TMEM178B: variants seen among roughly 807,000 people sequenced by gnomAD.
TMEM178B encodes transmembrane protein 178B.
In TMEM178B, 5 loss-of-function variants were observed where a neutral mutation model predicts 31.0. The ratio of observed to expected loss-of-function variants is 0.16; its 90% CI spans 0.08 to 0.34. The LOEUF (loss-of-function observed/expected upper bound fraction) is 0.34. Among genes scored for constraint, TMEM178B ranks in the 10% least tolerant of loss-of-function variants. The probability of loss-of-function intolerance (pLI) is 1.00; values close to 1 mark genes in which losing one functional copy is unlikely to be tolerated. For missense variants in TMEM178B, 275 were observed against 400.3 expected (o/e 0.69, Z 2.67); for synonymous variants, 164 against 164.0 (o/e 1.00, Z 0.00).
At chr7:141,191,319 T>C (rs569592162) in intron 1 of TMEM178B, among the ~76,000 whole-genome samples, 1 of 152,382 alleles carries the variant, frequency 6.6e-6, no homozygotes, top group African/African-American at 2.4e-5. Context: ...AATAACCTTG[T>C]ACATCTGTCA....
intron 2 of TMEM178B, among the ~76,000 whole-genome samples, chr7:141,356,381 T>G (rs923859385): frequency 4.5e-5 from 3 of 67,142 alleles, no homozygotes; most frequent in African/African-American, 1.6e-4. Context: ...CTGACATCTG[T>G]TTTTTTTTTG....
chr7:141,294,597 G>A (rs1220435202), intron 2 of TMEM178B, among the ~76,000 whole-genome samples: 1 of 152,148 alleles, frequency 6.6e-6, no homozygotes, highest in East Asian at 1.9e-4. Context: ...TTATACATGG[G>A]GAAAACAAGC....
intron 3 of TMEM178B, among the ~76,000 whole-genome samples, chr7:141,463,996 G>C (rs1353360477): frequency 6.6e-6 from 1 of 152,180 alleles, no homozygotes; most frequent in African/African-American, 2.4e-5. Flanking sequence ...CTTTGAGGGC[G>C]AAAGTAGAAG....
intron 3 of TMEM178B, among the ~76,000 whole-genome samples, chr7:141,447,507 G>A (rs139541933): frequency 4.9e-4 from 75 of 152,234 alleles, no homozygotes; most frequent in African/African-American, 1.6e-3. Context: ...CCTCAGAGGC[G>A]TGGGCAGGGG....
At chr7:141,226,405 A>C (rs1412987725) in intron 2 of TMEM178B, among the ~76,000 whole-genome samples, 1 of 151,936 alleles carries the variant, frequency 6.6e-6, no homozygotes, top group Non-Finnish European at 1.5e-5. Flanking sequence ...CTCTCATCTC[A>C]CATTGCCATC....
intron 1 of TMEM178B, among the ~76,000 whole-genome samples, chr7:141,126,392 G>T (rs758099699): frequency 1.3e-5 from 2 of 152,210 alleles, no homozygotes; most frequent in Non-Finnish European, 2.9e-5. Flanking sequence ...AAGCCTTGAC[G>T]CTGTAGATCC....
Position 141,477,142 on chromosome 7 carries a change from G to A in TMEM178B, c.*6356G>A, listed in dbSNP as rs770796405. ...AGACCCTCTCCGTCTGTACCAGTGC[G>A]TCTGTGTTGTGAGCGTGACGAAGCC... On this transcript the variant is annotated 3_prime_UTR_variant, in exon 4 of 4. Transcript: ENST00000565468. 6 of 154,898 alleles carry A rather than the reference G, an allele frequency of 3.9e-5. No homozygotes were observed. The highest frequency in any genetic ancestry group is 6.5e-5 in the Admixed American group (1 of 15,306). The allele number at this position is 154,898 out of a possible 1,614,324, so 9.6% of individuals were successfully genotyped here. A position where few individuals can be genotyped will look rare whatever the true frequency, so the allele number is the denominator to read the frequency against.
intron 2 of TMEM178B, among the ~76,000 whole-genome samples, chr7:141,295,064 A>C (rs1798608469): frequency 6.6e-6 from 1 of 152,156 alleles, no homozygotes; most frequent in South Asian, 2.1e-4. Flanking sequence ...TGATACGATG[A>C]GAAGTGTTCT....
intron 1 of TMEM178B, among the ~76,000 whole-genome samples, chr7:141,185,213 G>A (rs1218759867): frequency 3.9e-5 from 6 of 152,224 alleles, no homozygotes; most frequent in African/African-American, 9.6e-5. Context: ...TTAGCCGTCC[G>A]TAGGTGGCTT....
intron 2 of TMEM178B, among the ~76,000 whole-genome samples, chr7:141,264,667 GTA>G (rs1430717456): frequency 2.0e-5 from 3 of 152,332 alleles, no homozygotes; most frequent in East Asian, 3.9e-4. Flanking sequence ...CATCAGGTGG[GTA>G]TTACACCAAG....
chr7:141,247,110 G>A (rs73167486), intron 2 of TMEM178B, among the ~76,000 whole-genome samples: 7,331 of 149,456 alleles, frequency 0.049, 298 homozygotes, highest in Admixed American at 0.12. Flanking sequence ...TAAATCTTTC[G>A]CTCTCTCTTT....
At chr7:141,424,182 G>A (rs1193595908) in intron 2 of TMEM178B, among the ~76,000 whole-genome samples, 2 of 152,094 alleles carry the variant, frequency 1.3e-5, no homozygotes, top group Non-Finnish European at 2.9e-5. Flanking sequence ...TGCCACTAAA[G>A]TGTGAGATAT....
rs1319394515 is a variant in TMEM178B, at chr7:141,344,004, T to G, written c.497-93604T>G. 2.0e-5 allele frequency among the ~76,000 whole-genome samples: 3 copies of G among 152,160 alleles called. No individual in the cohort carries two copies. Among genetic ancestry groups the G allele is most frequent in the Non-Finnish European group, 4.4e-5 (3 of 68,028 alleles). ...TTGGGAACAAAATAAAACCACTTAT[T>G]CATACTGCAGAGGAAAGGACAGCTT... On this transcript the variant is annotated intron_variant, in intron 2 of 3. Transcript: ENST00000565468. This position sits in a 1 kb window ranked among gnomAD's most constrained non-coding sequence, Gnocchi z 4.1.
chr7:141,141,856 T>C (rs963640801), intron 1 of TMEM178B, among the ~76,000 whole-genome samples: 5 of 152,254 alleles, frequency 3.3e-5, no homozygotes, highest in Non-Finnish European at 7.3e-5. Context: ...ATTCCATTTA[T>C]GTATACAGTA....
At chr7:141,169,937 T>A (rs1472838524) in intron 1 of TMEM178B, among the ~76,000 whole-genome samples, 1 of 152,252 alleles carries the variant, frequency 6.6e-6, no homozygotes, top group Admixed American at 6.5e-5. Flanking sequence ...CATGAATACA[T>A]AATTTCTTTT....
intron 3 of TMEM178B, among the ~76,000 whole-genome samples, chr7:141,452,742 A>T (rs1386642715): frequency 6.6e-5 from 10 of 152,368 alleles, no homozygotes; most frequent in African/African-American, 9.6e-5. Context: ...TATTAAAAAA[A>T]ATATCTAGCA....
intron 1 of TMEM178B, among the ~76,000 whole-genome samples, chr7:141,112,893 A>G (rs1485645167): frequency 1.3e-5 from 2 of 151,900 alleles, no homozygotes; most frequent in Non-Finnish European, 2.9e-5. Context: ...CATTTATCTT[A>G]CTCCTCTAGC....
At chr7:141,167,552 T>A (rs1464641925) in intron 1 of TMEM178B, among the ~76,000 whole-genome samples, 1 of 152,200 alleles carries the variant, frequency 6.6e-6, no homozygotes, top group Non-Finnish European at 1.5e-5. Context: ...AGGGCCTGGA[T>A]CTATGTCACT....
At chr7:141,238,390 G>C (rs1797563193) in intron 2 of TMEM178B, among the ~76,000 whole-genome samples, 1 of 152,208 alleles carries the variant, frequency 6.6e-6, no homozygotes. Flanking sequence ...GAGCCTGGAA[G>C]ATTGTTGTAT....
Sources: gnomAD v4.1 joint callset for allele counts (sites outside exome capture counted in the v4.1 genomes callset) on GRCh38, gnomAD v4.1.1 for gene constraint, Gnocchi (gnomAD v3.1) non-coding constraint, MANE v1.5 for transcripts, NCBI Gene and HGNC (gene_info 2026-07-23, HGNC 2026-07-21) for gene names.